Variants in SH2D4A observed in about 807,000 individuals in gnomAD.
SH2D4A encodes SH2 domain containing 4A, also known as SH2 domain-containing protein 4A.
In SH2D4A, 70 loss-of-function variants were observed where a neutral mutation model predicts 64.7. That is an observed-to-expected ratio of 1.08 (90% CI 0.89 to 1.32). The LOEUF is 1.32. SH2D4A is among the 40% of genes most tolerant of loss of function. SH2D4A has a pLI of 0.00. For missense variants in SH2D4A, 706 were observed against 540.1 expected, an observed-to-expected ratio of 1.31 and a Z score of -3.04; for synonymous variants, 268 against 200.7, an observed-to-expected ratio of 1.34 and a Z score of -2.83.
chr8:19,356,754 A>C (rs1353307910), intron 4 of SH2D4A, among the ~76,000 whole-genome samples: 1 of 152,226 alleles, frequency 6.6e-6, no homozygotes, highest in Non-Finnish European at 1.5e-5. Flanking sequence ...CAGGGCTCCC[A>C]CGCACCAAAC....
chr8:19,380,753 C>A (rs1050015282), intron 8 of SH2D4A, among the ~76,000 whole-genome samples: 2 of 152,120 alleles, frequency 1.3e-5, no homozygotes, highest in African/African-American at 4.8e-5. Context: ...TATGCCAGTA[C>A]CACACTGTTT....
intron 6 of SH2D4A, among the ~76,000 whole-genome samples, chr8:19,362,795 A>G (rs2052913899): frequency 6.6e-6 from 1 of 152,134 alleles, no homozygotes; most frequent in South Asian, 2.1e-4. Flanking sequence ...CAGAAAACCA[A>G]AAAATAATAA....
chr8:19,374,004 G>A (rs1037824703), intron 8 of SH2D4A, among the ~76,000 whole-genome samples: 1 of 152,160 alleles, frequency 6.6e-6, no homozygotes, highest in African/African-American at 2.4e-5. Context: ...TTTCACCGAG[G>A]GACACACAGT....
intron 4 of SH2D4A, among the ~76,000 whole-genome samples, chr8:19,351,019 T>C (rs956045235): frequency 4.6e-5 from 7 of 152,208 alleles, no homozygotes; most frequent in Non-Finnish European, 1.0e-4. Context: ...GCTTTTTGTC[T>C]GTTAGTCTAC....
chr8:19,336,463 A>AGCATGTGT (rs1484601998), intron 4 of SH2D4A, among the ~76,000 whole-genome samples: 1 of 152,140 alleles, frequency 6.6e-6, no homozygotes, highest in Admixed American at 6.5e-5. Flanking sequence ...CTTTGCACTC[A>AGCATGTGT]GCATGTGTAA....
intron 8 of SH2D4A, among the ~76,000 whole-genome samples, chr8:19,379,925 A>C (rs1384202750): frequency 6.6e-6 from 1 of 151,974 alleles, no homozygotes; most frequent in Non-Finnish European, 1.5e-5. Context: ...TTGTAGAGAC[A>C]GGATCTCACT....
chr8:19,338,207 C>G (rs527302869), intron 4 of SH2D4A, among the ~76,000 whole-genome samples: 1 of 152,264 alleles, frequency 6.6e-6, no homozygotes, highest in South Asian at 2.1e-4. Flanking sequence ...GAGAAGCAAC[C>G]ATTTTAGAGA....
At chr8:19,376,516 G>T (rs943661241) in intron 8 of SH2D4A, among the ~76,000 whole-genome samples, 3 of 152,120 alleles carry the variant, frequency 2.0e-5, no homozygotes, top group African/African-American at 7.2e-5. Flanking sequence ...TAGCTACTCG[G>T]GAGGCTGAGG....
At chr8:19,391,340 G>A (rs2053489463) in intron 8 of SH2D4A, among the ~76,000 whole-genome samples, 1 of 152,206 alleles carries the variant, frequency 6.6e-6, no homozygotes, top group African/African-American at 2.4e-5. Flanking sequence ...GGATAGTGGA[G>A]CATCTGAACC....
chr8:19,354,146 C>T (rs1319699404), intron 4 of SH2D4A, among the ~76,000 whole-genome samples: 1 of 151,976 alleles, frequency 6.6e-6, no homozygotes, highest in Non-Finnish European at 1.5e-5. Context: ...CATGTGCCAC[C>T]ATGCACCACC....
intron 4 of SH2D4A, among the ~76,000 whole-genome samples, chr8:19,351,995 C>A (rs2052713074): frequency 6.6e-6 from 1 of 152,146 alleles, no homozygotes; most frequent in East Asian, 1.9e-4. Context: ...GTTGGCCAGG[C>A]TGGTCTTGAA....
intron 4 of SH2D4A, among the ~76,000 whole-genome samples, chr8:19,335,917 G>GA (rs1439860849): frequency 6.6e-6 from 1 of 152,154 alleles, no homozygotes; most frequent in African/African-American, 2.4e-5. Context: ...AATTAACAGG[G>GA]ATTTGCAGTT....
chr8:19,373,050 T>A (rs2053130429), intron 7 of SH2D4A, among the ~76,000 whole-genome samples: 1 of 152,176 alleles, frequency 6.6e-6, no homozygotes, highest in East Asian at 1.9e-4. Context: ...TGCCTTTTAA[T>A]GCTTATTTTC....
chr8:19,327,838 G>T (rs536282805), intron 2 of SH2D4A, among the ~76,000 whole-genome samples: 1 of 152,254 alleles, frequency 6.6e-6, no homozygotes, highest in East Asian at 1.9e-4. Context: ...GCCGACACCA[G>T]TTCTCACCAT....
rs756686094 is a variant in SH2D4A at position 19,393,368 on chromosome 8, C to T, written c.1099C>T (p.Pro367Ser). ...TGAACTTCTTCTGAGCACAGGCATG[C>T]CCGGCAGTTTTCTCATCCGAGTCAG... ...ANELLLSTGM[P>S]GSFLIRVSER... is the part of the protein sequence containing the mutation. The change falls in exon 9 of 10, where the codon CCC (proline) becomes TCC (serine). Residue 367 changes from proline to serine, a missense_variant. By Grantham distance (74) the Pro-to-Ser change is moderately conservative. Coordinates refer to ENST00000265807, the MANE Select transcript of SH2D4A (RefSeq NM_022071.4). The T allele has an allele frequency of 6.2e-7, 1 of 1,614,062 alleles. No homozygotes were observed. Among genetic ancestry groups the T allele is most frequent in the African/African-American group, 1.3e-5 (1 of 74,920 alleles).
At chr8:19,377,983 G>C (rs1244215712) in intron 8 of SH2D4A, among the ~76,000 whole-genome samples, 1 of 152,142 alleles carries the variant, frequency 6.6e-6, no homozygotes, top group Non-Finnish European at 1.5e-5. Flanking sequence ...GATACTGCCA[G>C]ATTCTCATTT....
intron 5 of SH2D4A, among the ~76,000 whole-genome samples, chr8:19,360,510 A>G (rs2052865359): frequency 6.6e-6 from 1 of 152,110 alleles, no homozygotes; most frequent in African/African-American, 2.4e-5. Context: ...GCTACTCAGG[A>G]GGCTGAGGCA....
chr8:19,369,815 CTATT>C (rs2053063993), intron 7 of SH2D4A, among the ~76,000 whole-genome samples: 1 of 151,894 alleles, frequency 6.6e-6, no homozygotes. Context: ...TCTATTTTAT[CTATT>C]TATGCTCTGA....
At chr8:19,370,921 C>T (rs1437967137) in intron 7 of SH2D4A, among the ~76,000 whole-genome samples, 2 of 151,996 alleles carry the variant, frequency 1.3e-5, no homozygotes, top group Non-Finnish European at 2.9e-5. Context: ...ATGAGACTTA[C>T]AAAAACATCC....
Sources: allele counts gnomAD v4.1 joint callset (sites outside exome capture counted in the v4.1 genomes callset), GRCh38; gene constraint gnomAD v4.1.1; transcripts MANE v1.5; gene names NCBI Gene and HGNC (gene_info 2026-07-23, HGNC 2026-07-21).